The following UBTD2 variants were observed in gnomAD, a reference collection of about 807,000 sequenced individuals.
The protein encoded by UBTD2 is ubiquitin domain containing 2, also known as ubiquitin domain-containing protein 2.
UBTD2 carries 9 observed loss-of-function variants against 19.8 expected under a neutral mutation model. The ratio of observed to expected loss-of-function variants is 0.46; its 90% CI spans 0.27 to 0.79. UBTD2 has a LOEUF of 0.79. UBTD2 is among the 30% of genes least tolerant of loss of function. The probability of loss-of-function intolerance (pLI) is 0.14; values close to 1 mark genes in which losing one functional copy is unlikely to be tolerated. For missense variants in UBTD2, 250 were observed against 300.4 expected, an observed-to-expected ratio of 0.83 and a Z score of 1.24; for synonymous variants, 98 against 103.9, an observed-to-expected ratio of 0.94 and a Z score of 0.35.
At chr5:172,229,107 A>G (rs1771835816) in intron 2 of UBTD2, among the ~76,000 whole-genome samples, 1 of 152,170 alleles carries the variant, frequency 6.6e-6, no homozygotes, top group Admixed American at 6.5e-5. Context: ...AGCTATAATA[A>G]GTATGAATAA....
At chr5:172,279,084 G>C (rs1755663017) in intron 1 of UBTD2, among the ~76,000 whole-genome samples, 1 of 152,142 alleles carries the variant, frequency 6.6e-6, no homozygotes, top group Non-Finnish European at 1.5e-5. Context: ...GGCCAATTTT[G>C]TCACAATTTA....
At chr5:172,244,821 C>A (rs138298326) in intron 1 of UBTD2, among the ~76,000 whole-genome samples, 1 of 151,816 alleles carries the variant, frequency 6.6e-6, no homozygotes, top group East Asian at 1.9e-4. Context: ...CTCCAACTCC[C>A]GGGTTCAAGC....
At chr5:172,215,399 C>T (rs997205899) in intron 2 of UBTD2, among the ~76,000 whole-genome samples, 1 of 152,152 alleles carries the variant, frequency 6.6e-6, no homozygotes, top group Non-Finnish European at 1.5e-5. Flanking sequence ...CCCTTCTAGC[C>T]ATCTTGTCCC....
At position 172,212,144 on chromosome 5, in the gene UBTD2, C is replaced by G; in HGVS notation, c.391G>C (p.Glu131Gln). The G allele has an allele frequency of 6.2e-7, 1 of 1,614,190 alleles. No homozygotes were observed. Among genetic ancestry groups the G allele is most frequent in the East Asian group, 2.2e-5 (1 of 44,888 alleles). ...YCLAPPINMI[E>Q]EKSDIETLDI... ...AGAGTCTCTATGTCGCTCTTTTCCT[C>G]TATCATGTTGATTGGCGGTGCCAAG... Residue 131 changes from glutamate to glutamine, a missense_variant, in exon 3 of 3, where the codon GAG (glutamate) becomes CAG (glutamine). By Grantham distance (29) the Glu-to-Gln change is conservative. Coordinates refer to ENST00000393792, the MANE Select transcript of UBTD2 (RefSeq NM_152277.3).
rs1210165901 is a variant in UBTD2, at chr5:172,234,340, T to G, written c.89A>C (p.Gln30Pro). The G allele has an allele frequency of 4.3e-6, 7 of 1,614,046 alleles. No individual in the cohort carries two copies. Among genetic ancestry groups the G allele is most frequent in the Non-Finnish European group, 5.9e-6 (7 of 1,180,036 alleles). ...EGTGVALGRN[Q>P]PLKKEKPKWK... ...TTTTGGTTTCTCCTTTTTCAAAGGC[T>G]GGTTACGACCTAGAGCAACTGAAAA... is the stretch of plus-strand genomic sequence containing the variant. The change falls in exon 2 of 3, where the codon CAG becomes CCG. Residue 30 changes from glutamine (Q) to proline (P), a missense_variant. Coordinates refer to ENST00000393792, the MANE Select transcript of UBTD2 (RefSeq NM_152277.3).
At chr5:172,236,082 C>T (rs1355528213) in intron 1 of UBTD2, among the ~76,000 whole-genome samples, 1 of 152,134 alleles carries the variant, frequency 6.6e-6, no homozygotes, top group East Asian at 1.9e-4. Context: ...GACTCCAGAC[C>T]CTGGGCTATC....
chr5:172,265,575 C>T (rs772363511), intron 1 of UBTD2, among the ~76,000 whole-genome samples: 27 of 152,070 alleles, frequency 1.8e-4, no homozygotes, highest in South Asian at 2.1e-4. Context: ...GTGATCCGAC[C>T]GCCTCGGCCT....
At chr5:172,260,117 T>A (rs1480946891) in intron 1 of UBTD2, among the ~76,000 whole-genome samples, 1 of 131,256 alleles carries the variant, frequency 7.6e-6, no homozygotes, top group Non-Finnish European at 1.6e-5. Flanking sequence ...AAAGACATCA[T>A]TAATCAGTAT....
chr5:172,271,506 TC>T (rs2113123655), intron 1 of UBTD2, among the ~76,000 whole-genome samples: 1 of 151,902 alleles, frequency 6.6e-6, no homozygotes, highest in African/African-American at 2.4e-5. Context: ...CCCCCACTCC[TC>T]CTTGAACTTA....
chr5:172,232,671 G>T (rs995765250), intron 2 of UBTD2, among the ~76,000 whole-genome samples: 2 of 151,928 alleles, frequency 1.3e-5, no homozygotes, highest in Non-Finnish European at 2.9e-5. Flanking sequence ...GATCATCTGG[G>T]CAACATAGTG....
At chr5:172,247,688 T>C (rs1754907876) in intron 1 of UBTD2, among the ~76,000 whole-genome samples, 1 of 152,122 alleles carries the variant, frequency 6.6e-6, no homozygotes, top group African/African-American at 2.4e-5. Flanking sequence ...CCAGAATATA[T>C]GAAGCAAGCA....
intron 2 of UBTD2, among the ~76,000 whole-genome samples, chr5:172,228,241 G>T (rs1443922621): frequency 6.6e-6 from 1 of 152,176 alleles, no homozygotes; most frequent in Non-Finnish European, 1.5e-5. Context: ...ACAGGGAGAT[G>T]AAATGACTTG....
intron 1 of UBTD2, among the ~76,000 whole-genome samples, chr5:172,271,807 C>A (rs1012222554): frequency 6.6e-6 from 1 of 152,100 alleles, no homozygotes; most frequent in Non-Finnish European, 1.5e-5. Context: ...TGTCACATAG[C>A]CCACAAGCAT....
chr5:172,243,761 C>T (rs186174539), intron 1 of UBTD2, among the ~76,000 whole-genome samples: 2,119 of 151,886 alleles, frequency 0.014, 39 homozygotes, highest in African/African-American at 0.048. Context: ...CGGGGTTTCA[C>T]CATGTTGGCC....
At chr5:172,245,689 G>A (rs923120930) in intron 1 of UBTD2, among the ~76,000 whole-genome samples, 5 of 150,674 alleles carry the variant, frequency 3.3e-5, no homozygotes, top group African/African-American at 7.3e-5. Flanking sequence ...TCTAGCCTGG[G>A]TGACACAGTA....
At chr5:172,257,451 CAT>C (rs761572205) in intron 1 of UBTD2, among the ~76,000 whole-genome samples, 19 of 152,212 alleles carry the variant, frequency 1.2e-4, no homozygotes, top group African/African-American at 2.7e-4. Context: ...AACATCCACA[CAT>C]ATGAGTCTTC....
At chr5:172,262,537 C>G (rs1033580210) in intron 1 of UBTD2, among the ~76,000 whole-genome samples, 2 of 146,502 alleles carry the variant, frequency 1.4e-5, no homozygotes, top group Non-Finnish European at 3.0e-5. Flanking sequence ...AACAGCCAGG[C>G]ATGGTGGCTC....
chr5:172,254,106 T>A (rs915706378), intron 1 of UBTD2, among the ~76,000 whole-genome samples: 2 of 152,104 alleles, frequency 1.3e-5, no homozygotes, highest in African/African-American at 4.8e-5. Flanking sequence ...ATTCCTTTTT[T>A]CTTTTTCTTT....
chr5:172,233,611 C>T (rs897042595), intron 2 of UBTD2, among the ~76,000 whole-genome samples: 1 of 152,048 alleles, frequency 6.6e-6, no homozygotes, highest in Non-Finnish European at 1.5e-5. Context: ...TAAAAACATG[C>T]GGGACTCTCT....
Sources: gnomAD v4.1 joint callset for allele counts (sites outside exome capture counted in the v4.1 genomes callset) on GRCh38, gnomAD v4.1.1 for gene constraint, MANE v1.5 for transcripts, NCBI Gene and HGNC (gene_info 2026-07-23, HGNC 2026-07-21) for gene names.